Variants in DHRSX observed in about 807,000 individuals in gnomAD.
The protein encoded by DHRSX is polyprenol dehydrogenase.
A neutral mutation model predicts 34.0 loss-of-function variants in DHRSX; 31 were observed. The ratio of observed to expected loss-of-function variants is 0.91; its 90% CI spans 0.69 to 1.23. DHRSX has a LOEUF of 1.23. Among genes scored for constraint, DHRSX ranks in the 50% most tolerant of loss-of-function variants. The pLI is 0.00. For synonymous variants in DHRSX, 201 were observed against 183.8 expected, an observed-to-expected ratio of 1.09 and a Z score of -0.76; for missense variants, 414 against 428.1, an observed-to-expected ratio of 0.97 and a Z score of 0.29.
At chrX:2,309,804 G>A (rs1442191008) in intron 3 of DHRSX, among the ~76,000 whole-genome samples, 1 of 152,100 alleles carries the variant, frequency 6.6e-6, no homozygotes, top group Non-Finnish European at 1.5e-5. Context: ...TCCCAGCTAC[G>A]TGGGAGGCTG....
intron 1 of DHRSX, among the ~76,000 whole-genome samples, chrX:2,430,158 A>G (rs1186805928): frequency 1.3e-5 from 2 of 150,312 alleles, no homozygotes; most frequent in South Asian, 2.1e-4. Context: ...GTCATGCCAC[A>G]TGGTTTTGGA....
intron 1 of DHRSX, chrX:2,500,579 TCGGGC>T (rs748431177): frequency 0.014 from 2,431 of 177,760 alleles, 61 homozygotes; most frequent in African/African-American, 0.048. Context: ...TCGGGCCGGG[TCGGGC>T]CGGGCCAGGC....
At chrX:2,235,057 A>G (rs780573615) in intron 6 of DHRSX, among the ~76,000 whole-genome samples, 1 of 152,344 alleles carries the variant, frequency 6.6e-6, no homozygotes, top group Admixed American at 6.5e-5. Flanking sequence ...TCATCAAGAC[A>G]GAAGGCAGAA....
intron 1 of DHRSX, among the ~76,000 whole-genome samples, chrX:2,453,023 C>T (rs1393280383): frequency 6.6e-6 from 1 of 152,094 alleles, no homozygotes; most frequent in Non-Finnish European, 1.5e-5. Context: ...TAGACACACA[C>T]TGGAATAGTA....
intron 3 of DHRSX, among the ~76,000 whole-genome samples, chrX:2,349,415 G>A (rs187443977): frequency 1.1e-3 from 169 of 152,228 alleles, no homozygotes; most frequent in Non-Finnish European, 1.9e-3. Context: ...TGGGCCAGGC[G>A]CGGTGCCTGG....
At chrX:2,345,134 C>G (rs1274780636) in intron 3 of DHRSX, among the ~76,000 whole-genome samples, 1 of 151,736 alleles carries the variant, frequency 6.6e-6, no homozygotes, top group Non-Finnish European at 1.5e-5. Context: ...TACTGCCCAA[C>G]TTGTGTTCTG....
intron 1 of DHRSX, among the ~76,000 whole-genome samples, chrX:2,497,317 C>T (rs1172324195): frequency 7.9e-5 from 12 of 151,766 alleles, no homozygotes; most frequent in African/African-American, 1.7e-4. Context: ...CGCTTGAACC[C>T]GGGAGGCAGA....
chrX:2,348,451 G>A (rs190694367), intron 3 of DHRSX, among the ~76,000 whole-genome samples: 2 of 152,110 alleles, frequency 1.3e-5, no homozygotes, highest in Admixed American at 1.3e-4. Flanking sequence ...CGCTCCTATT[G>A]TCTGGATGTG....
At chrX:2,429,951 T>C (rs1254815203) in intron 1 of DHRSX, among the ~76,000 whole-genome samples, 1 of 152,130 alleles carries the variant, frequency 6.6e-6, no homozygotes, top group Non-Finnish European at 1.5e-5. Context: ...CAAATATCAA[T>C]AGCTTCCATA....
At chrX:2,376,853 G>T (rs1296039811) in intron 3 of DHRSX, among the ~76,000 whole-genome samples, 1 of 152,062 alleles carries the variant, frequency 6.6e-6, no homozygotes, top group African/African-American at 2.4e-5. Flanking sequence ...AATTAGCCGG[G>T]CACGGTGGTG....
At chrX:2,344,780 G>C (rs1357679863) in intron 3 of DHRSX, among the ~76,000 whole-genome samples, 1 of 150,176 alleles carries the variant, frequency 6.7e-6, no homozygotes, top group Non-Finnish European at 1.5e-5. Flanking sequence ...GGGTTGATGG[G>C]TGCAGCAACC....
intron 1 of DHRSX, among the ~76,000 whole-genome samples, chrX:2,477,210 A>G (rs2044693456): frequency 6.6e-6 from 1 of 152,132 alleles, no homozygotes; most frequent in African/African-American, 2.4e-5. Flanking sequence ...ACCTAATAAG[A>G]CACCTGGCTC....
intron 3 of DHRSX, among the ~76,000 whole-genome samples, chrX:2,331,977 G>GCAAC (rs2042484435): frequency 6.6e-6 from 1 of 152,090 alleles, no homozygotes; most frequent in Non-Finnish European, 1.5e-5. Flanking sequence ...ATAAGGTTTT[G>GCAAC]ACTCGCGAAA....
intron 1 of DHRSX, among the ~76,000 whole-genome samples, chrX:2,445,189 C>T (rs1190406958): frequency 2.0e-5 from 3 of 152,028 alleles, no homozygotes; most frequent in Non-Finnish European, 2.9e-5. Context: ...GTACCGGACA[C>T]GCTGGGTTGG....
At chrX:2,465,160 G>A (rs1350549466) in intron 1 of DHRSX, among the ~76,000 whole-genome samples, 1 of 152,122 alleles carries the variant, frequency 6.6e-6, no homozygotes, top group African/African-American at 2.4e-5. Flanking sequence ...GTGGCCAAGG[G>A]AACAAACTGA....
chrX:2,262,459 G>A (rs1018715737), intron 5 of DHRSX, among the ~76,000 whole-genome samples: 4 of 151,852 alleles, frequency 2.6e-5, no homozygotes, highest in Non-Finnish European at 5.9e-5. Flanking sequence ...GTGTGCCCAC[G>A]GGCACAAAGA....
chrX:2,239,747 C>A (rs1191004840), intron 6 of DHRSX, among the ~76,000 whole-genome samples: 2 of 150,442 alleles, frequency 1.3e-5, no homozygotes, highest in Non-Finnish European at 3.0e-5. Context: ...CCAGCCTGGG[C>A]AACAGAGCAA....
At chrX:2,250,700 G>T (rs2016416211) in intron 5 of DHRSX, among the ~76,000 whole-genome samples, 1 of 152,124 alleles carries the variant, frequency 6.6e-6, no homozygotes, top group Non-Finnish European at 1.5e-5. Flanking sequence ...CAGGGCCTTT[G>T]TGACCTGTGT....
intron 4 of DHRSX, among the ~76,000 whole-genome samples, chrX:2,285,993 C>T (rs1202226956): frequency 2.0e-5 from 3 of 152,066 alleles, no homozygotes; most frequent in Non-Finnish European, 4.4e-5. Flanking sequence ...CCAAGGCATG[C>T]AACAAATGAG....
Sources: gnomAD v4.1 joint callset for allele counts (sites outside exome capture counted in the v4.1 genomes callset) on GRCh38, gnomAD v4.1.1 for gene constraint, MANE v1.5 for transcripts, NCBI Gene and HGNC (gene_info 2026-07-23, HGNC 2026-07-21) for gene names.